The following LRRC4C variants were observed in gnomAD, a reference collection of about 807,000 sequenced individuals.
LRRC4C encodes the protein leucine-rich repeat-containing protein 4C.
In LRRC4C, 5 loss-of-function variants were observed where a neutral mutation model predicts 33.6. That is an observed-to-expected ratio of 0.15 (90% CI 0.08 to 0.31). The LOEUF (loss-of-function observed/expected upper bound fraction) is 0.31. LRRC4C is among the 10% of genes least tolerant of loss of function. LRRC4C has a pLI of 1.00. For missense variants in LRRC4C, 560 were observed against 796.7 expected (o/e 0.70, Z 3.58); for synonymous variants, 329 against 302.0 (o/e 1.09, Z -0.93).
In LRRC4C at chr11:40,434,769, T is replaced by C. The variant is rs559104737; in HGVS notation, c.-269-115048A>G. ...AAAAATAAGCAAATCATCTGAACAA[T>C]TGTGACTAAAGTATCATATTTGATT... On this transcript the variant is annotated intron_variant, in intron 3 of 6. Coordinates refer to ENST00000528697, the MANE Select transcript of LRRC4C (RefSeq NM_001258419.2). Among the ~76,000 whole-genome samples, 19 of 152,286 alleles carry C rather than the reference T, an allele frequency of 1.2e-4. No individual in the cohort carries two copies. The South Asian group carries it at 2.3e-3, about 18-fold the overall frequency.
In LRRC4C at chr11:40,317,327, T is replaced by TTA. The variant is rs1194509657; in HGVS notation, c.-176+2300_-176+2301insTA. ...ATTTCCTGATTATTCCTCATTCTTG[T>TTA]TTCATCACAGTATTTTAATTTTCTA... On this transcript the variant is annotated intron_variant, in intron 4 of 6. Transcript: ENST00000528697. 3.3e-5 allele frequency among the ~76,000 whole-genome samples: 5 copies of TTA among 152,188 alleles called. No homozygotes were observed. The East Asian group carries it at 9.6e-4, about 29-fold the overall frequency.
At chr11:40,478,357 C>T (rs1051412878) in intron 3 of LRRC4C, among the ~76,000 whole-genome samples, 1 of 152,084 alleles carries the variant, frequency 6.6e-6, no homozygotes, top group Non-Finnish European at 1.5e-5. Context: ...TTAATTCTGG[C>T]AAGAACTTAT....
At chr11:40,493,151 C>A (rs1348869206) in intron 3 of LRRC4C, among the ~76,000 whole-genome samples, 3 of 151,426 alleles carry the variant, frequency 2.0e-5, no homozygotes, top group African/African-American at 7.3e-5. Flanking sequence ...TAAATTTATA[C>A]CTCTAAAAAT....
chr11:40,651,638 C>A (rs916533438), intron 2 of LRRC4C, among the ~76,000 whole-genome samples: 1 of 152,114 alleles, frequency 6.6e-6, no homozygotes, highest in African/African-American at 2.4e-5. Flanking sequence ...GAAAACTATA[C>A]GTTTAGCACA....
At chr11:41,360,951 G>A (rs919551671) in intron 1 of LRRC4C, among the ~76,000 whole-genome samples, 2 of 152,062 alleles carry the variant, frequency 1.3e-5, no homozygotes, top group Admixed American at 6.6e-5. Flanking sequence ...GTAATGCTAG[G>A]CATCATGGCA....
chr11:41,165,941 G>A lies in LRRC4C; in HGVS notation c.-495-232218C>T, dbSNP rs150544040. Among the ~76,000 whole-genome samples the A allele has an allele frequency of 4.9e-3, 745 of 151,636 alleles. 5 individuals carry two copies. Among genetic ancestry groups the A allele is most frequent in the African/African-American group, 0.017 (698 of 41,288 alleles). On this transcript the variant is annotated intron_variant, in intron 1 of 6. Coordinates refer to ENST00000528697, the MANE Select transcript of LRRC4C (RefSeq NM_001258419.2). Reference sequence around the variant, plus strand: ...AGCTACTCAGGAGGCTGCAGCAGGAGAATCAATTGAACCCAGGAGGCGGAG... The same window carrying A: ...AGCTACTCAGGAGGCTGCAGCAGGAAAATCAATTGAACCCAGGAGGCGGAG...
intron 1 of LRRC4C, among the ~76,000 whole-genome samples, chr11:41,339,613 C>T (rs973454279): frequency 2.6e-5 from 4 of 152,070 alleles, no homozygotes; most frequent in South Asian, 2.1e-4. Flanking sequence ...GGGGGTGAGA[C>T]GGAGATCTTA....
intron 1 of LRRC4C, among the ~76,000 whole-genome samples, chr11:41,030,825 T>C (rs1006952374): frequency 1.3e-5 from 2 of 151,788 alleles, no homozygotes; most frequent in Non-Finnish European, 2.9e-5. Flanking sequence ...CATATATATA[T>C]ACACATACAT....
chr11:41,044,344 T>G (rs1282726773), intron 1 of LRRC4C, among the ~76,000 whole-genome samples: 1 of 152,168 alleles, frequency 6.6e-6, no homozygotes, highest in Non-Finnish European at 1.5e-5. Context: ...CTCTGTCAAC[T>G]GGATAATGAT....
chr11:40,616,309 G>T (rs1022984854), intron 3 of LRRC4C, among the ~76,000 whole-genome samples: 8 of 151,944 alleles, frequency 5.3e-5, no homozygotes, highest in African/African-American at 1.9e-4. Flanking sequence ...TACACTGTTG[G>T]TGGGACTGTA....
At chr11:40,572,506 A>G (rs773542042) in intron 3 of LRRC4C, among the ~76,000 whole-genome samples, 1 of 152,202 alleles carries the variant, frequency 6.6e-6, no homozygotes, top group Non-Finnish European at 1.5e-5. Flanking sequence ...GAGTTTAGTT[A>G]TAGCTTGAGG....
At chr11:40,884,260 C>T (rs150480544) in intron 2 of LRRC4C, among the ~76,000 whole-genome samples, 231 of 152,028 alleles carry the variant, frequency 1.5e-3, no homozygotes, top group African/African-American at 5.0e-3. Flanking sequence ...TTTTTATGGA[C>T]GCATAGTATT....
chr11:40,350,874 G>C (rs1274467969), intron 3 of LRRC4C, among the ~76,000 whole-genome samples: 3 of 144,858 alleles, frequency 2.1e-5, no homozygotes, highest in Non-Finnish European at 4.4e-5. Flanking sequence ...TTACTTGCTT[G>C]ATTTCATTTT....
intron 4 of LRRC4C, among the ~76,000 whole-genome samples, chr11:40,247,727 G>A (rs1252004731): frequency 2.6e-5 from 4 of 152,022 alleles, no homozygotes; most frequent in African/African-American, 7.2e-5. Flanking sequence ...GATATTCTCC[G>A]TTGTCCAGAT....
chr11:41,114,466 G>C (rs1389811002), intron 1 of LRRC4C, among the ~76,000 whole-genome samples: 1 of 151,944 alleles, frequency 6.6e-6, no homozygotes, highest in Non-Finnish European at 1.5e-5. Flanking sequence ...ACTTCAGTTG[G>C]TTCAAGTGTA....
chr11:40,511,505 T>G (rs1042066431), intron 3 of LRRC4C, among the ~76,000 whole-genome samples: 1 of 152,168 alleles, frequency 6.6e-6, no homozygotes, highest in Non-Finnish European at 1.5e-5. Context: ...CACTATAAAA[T>G]GGGAGATTTT....
chr11:41,372,978 T>C (rs187909751), intron 1 of LRRC4C, among the ~76,000 whole-genome samples: 1 of 152,174 alleles, frequency 6.6e-6, no homozygotes, highest in Non-Finnish European at 1.5e-5. Context: ...ATTTCTTATT[T>C]AAAAATCTAG....
rs192039869 is a variant in LRRC4C, at chr11:40,911,476, G to C, written c.-407+22159C>G. On this transcript the variant is annotated intron_variant, in intron 2 of 6. Coordinates refer to ENST00000528697, the MANE Select transcript of LRRC4C (RefSeq NM_001258419.2). ...TCCGGCAAACTCCAACAGACCTACA[G>C]CTGAGGGTCCTGACTCTTAGAAGGA... Among the ~76,000 whole-genome samples the C allele has an allele frequency of 4.2e-3, 639 of 152,292 alleles. 10 individuals carry two copies. In the South Asian group the frequency reaches 0.043, roughly 10 times the overall value.
At chr11:40,434,766 CA>C (rs1449555391) in intron 3 of LRRC4C, among the ~76,000 whole-genome samples, 1 of 152,078 alleles carries the variant, frequency 6.6e-6, no homozygotes, top group African/African-American at 2.4e-5. Context: ...ATCATCTGAA[CA>C]ATTGTGACTA....
Sources: allele counts gnomAD v4.1 joint callset (sites outside exome capture counted in the v4.1 genomes callset), GRCh38; gene constraint gnomAD v4.1.1; transcripts MANE v1.5; gene names NCBI Gene and HGNC (gene_info 2026-07-23, HGNC 2026-07-21).